Variants in GRIK1 observed in about 807,000 individuals in gnomAD.
The protein encoded by GRIK1 is glutamate receptor ionotropic, kainate 1.
A neutral mutation model predicts 105.7 loss-of-function variants in GRIK1; 69 were observed. That is an observed-to-expected ratio of 0.65 (90% CI 0.54 to 0.80). The LOEUF is 0.80. Ranked by LOEUF, GRIK1 falls within the 30% of genes least tolerant of loss-of-function variation. The pLI, the probability that GRIK1 is intolerant of heterozygous loss-of-function variation, is 0.00. For synonymous variants in GRIK1, 438 were observed against 431.3 expected, an observed-to-expected ratio of 1.02 and a Z score of -0.19; for missense variants, 1,109 against 1,167.3, an observed-to-expected ratio of 0.95 and a Z score of 0.73.
intron 1 of GRIK1, among the ~76,000 whole-genome samples, chr21:29,827,776 C>T (rs538565231): frequency 1.1e-3 from 168 of 152,158 alleles, no homozygotes; most frequent in African/African-American, 3.8e-3. Context: ...CAAAACTTAG[C>T]GTCTTTAAAC....
At chr21:29,859,741 A>T (rs1024731745) in intron 1 of GRIK1, among the ~76,000 whole-genome samples, 2 of 152,228 alleles carry the variant, frequency 1.3e-5, no homozygotes, top group African/African-American at 4.8e-5. Flanking sequence ...CCACATTATT[A>T]TCTTGCTAGG....
chr21:29,670,323 G>C (rs1178298942), intron 4 of GRIK1, among the ~76,000 whole-genome samples: 3 of 152,152 alleles, frequency 2.0e-5, no homozygotes, highest in Non-Finnish European at 4.4e-5. Context: ...TCAGTGGTTG[G>C]TACAAAGCTG....
In GRIK1 at chr21:29,939,399, C is replaced by G; in HGVS notation, c.102G>C (p.Pro34=). 6 of 1,546,296 alleles carry G rather than the reference C, an allele frequency of 3.9e-6. No homozygotes were observed. The highest frequency in any genetic ancestry group is 5.3e-6 in the Non-Finnish European group (6 of 1,139,448). Residue 34 remains proline (P), a synonymous_variant, in exon 1 of 18, where the codon CCG becomes CCC. Transcript: ENST00000327783. ...CTCACTCACCGATCCTGAGTACTTGCGGGGCGGTCTGAGGGAGGATATAGC... is the reference window on the plus strand; with the variant it reads ...CTCACTCACCGATCCTGAGTACTTGGGGGGCGGTCTGAGGGAGGATATAGC... The part of the protein sequence containing the change: ...FLCYILPQTA[P]QVLRIGGIFE...
intron 3 of GRIK1, among the ~76,000 whole-genome samples, chr21:29,676,872 G>C (rs560909300): frequency 2.0e-5 from 3 of 152,162 alleles, no homozygotes; most frequent in African/African-American, 7.2e-5. Context: ...AATGCCATGA[G>C]TGATCCTGGG....
chr21:29,665,217 G>A (rs1270544490), intron 4 of GRIK1, among the ~76,000 whole-genome samples: 1 of 152,030 alleles, frequency 6.6e-6, no homozygotes, highest in Admixed American at 6.5e-5. Context: ...TAAGAATATG[G>A]GCAAATTGCA....
intron 1 of GRIK1, among the ~76,000 whole-genome samples, chr21:29,831,467 G>T (rs1017216840): frequency 6.6e-6 from 1 of 152,144 alleles, no homozygotes; most frequent in African/African-American, 2.4e-5. Context: ...AAGAAAAAAG[G>T]CTTAATTGAC....
chr21:29,850,936 A>C (rs931691864), intron 1 of GRIK1, among the ~76,000 whole-genome samples: 1 of 152,250 alleles, frequency 6.6e-6, no homozygotes, highest in African/African-American at 2.4e-5. Context: ...ATATTAACAC[A>C]AATGAATTCA....
At position 29,537,214 on chromosome 21, in the gene GRIK1, C is replaced by T. The variant is rs2089892888; in HGVS notation, c.*16G>A. 2.6e-6 allele frequency: 4 copies of T among 1,563,994 alleles called. No individual in the cohort carries two copies. Among genetic ancestry groups the T allele is most frequent in the African/African-American group, 2.8e-5 (2 of 71,946 alleles). ...AGGGAATGCATCCTTTTTCTTCCTACAGGCGTTTCCTTGGATCACGCCACA... is the reference window on the plus strand; with the variant it reads ...AGGGAATGCATCCTTTTTCTTCCTATAGGCGTTTCCTTGGATCACGCCACA... On this transcript the variant is annotated 3_prime_UTR_variant, in exon 18 of 18. Coordinates refer to ENST00000327783, the MANE Select transcript of GRIK1 (RefSeq NM_001330994.2).
At chr21:29,650,316 T>G (rs980154859) in intron 6 of GRIK1, among the ~76,000 whole-genome samples, 3 of 152,238 alleles carry the variant, frequency 2.0e-5, no homozygotes, top group African/African-American at 7.2e-5. Flanking sequence ...TAGGAATGGA[T>G]AATAAAATAC....
At chr21:29,598,565 A>G (rs1004967992) in intron 8 of GRIK1, among the ~76,000 whole-genome samples, 1 of 152,230 alleles carries the variant, frequency 6.6e-6, no homozygotes, top group African/African-American at 2.4e-5. Context: ...CTAGGGTTAT[A>G]TATGTAATAA....
intron 1 of GRIK1, among the ~76,000 whole-genome samples, chr21:29,928,158 G>C (rs1363273261): frequency 6.6e-6 from 1 of 152,198 alleles, no homozygotes; most frequent in East Asian, 1.9e-4. Context: ...CCACAGATAA[G>C]CAAAAACATC....
intron 1 of GRIK1, among the ~76,000 whole-genome samples, chr21:29,867,516 C>A (rs2068839371): frequency 6.6e-6 from 1 of 151,932 alleles, no homozygotes; most frequent in African/African-American, 2.4e-5. Context: ...TACGAAGGGC[C>A]AGGCACGGTG....
intron 1 of GRIK1, among the ~76,000 whole-genome samples, chr21:29,831,530 T>C (rs1026115295): frequency 6.6e-6 from 1 of 152,038 alleles, no homozygotes; most frequent in African/African-American, 2.4e-5. Flanking sequence ...CTTTCAATCA[T>C]GGCGGAAGGC....
chr21:29,597,538 A>G, intron 8 of GRIK1: 1 of 300,862 alleles, frequency 3.3e-6, no homozygotes. Context: ...TTTAGATCAT[A>G]ACAAGTATTT....
chr21:29,915,533 A>G (rs1213784072), intron 1 of GRIK1, among the ~76,000 whole-genome samples: 1 of 152,018 alleles, frequency 6.6e-6, no homozygotes, highest in Non-Finnish European at 1.5e-5. Flanking sequence ...TCTCACAGGA[A>G]GGGAACAATT....
chr21:29,560,507 CCTTCCTTCCTTCCTTTCTTTCTTT>C (rs1321786611), intron 15 of GRIK1, among the ~76,000 whole-genome samples: 13 of 30,130 alleles, frequency 4.3e-4, no homozygotes, highest in African/African-American at 1.5e-3. Flanking sequence ...TTCCTTCCTT[CCTTCCTTCCTTCCTTTCTTTCTTT>C]CTTTCTTTCT....
At chr21:29,869,567 G>A (rs2068941051) in intron 1 of GRIK1, among the ~76,000 whole-genome samples, 4 of 152,178 alleles carry the variant, frequency 2.6e-5, no homozygotes, top group Non-Finnish European at 5.9e-5. Flanking sequence ...TTAAAACAGA[G>A]TCTTTTATTC....
intron 16 of GRIK1, among the ~76,000 whole-genome samples, chr21:29,546,918 A>G (rs1463025212): frequency 6.6e-6 from 1 of 152,212 alleles, no homozygotes. Flanking sequence ...AGGGATAAAA[A>G]CAATAGAAAA....
intron 13 of GRIK1, among the ~76,000 whole-genome samples, chr21:29,580,438 C>T (rs1387573621): frequency 1.3e-5 from 2 of 152,036 alleles, no homozygotes; most frequent in African/African-American, 2.4e-5. Flanking sequence ...GATTTTCCCA[C>T]TTTCTTCAAC....
Sources: gnomAD v4.1 joint callset for allele counts (sites outside exome capture counted in the v4.1 genomes callset) on GRCh38, gnomAD v4.1.1 for gene constraint, MANE v1.5 for transcripts, NCBI Gene and HGNC (gene_info 2026-07-23, HGNC 2026-07-21) for gene names.